Variants in GRIA4 observed in about 807,000 individuals in gnomAD.
The protein encoded by GRIA4 is glutamate ionotropic receptor AMPA type subunit 4.
A neutral mutation model predicts 104.0 loss-of-function variants in GRIA4; 34 were observed. That is an observed-to-expected ratio of 0.33 (90% CI 0.25 to 0.44). GRIA4 has a LOEUF of 0.44. Ranked by LOEUF, GRIA4 falls within the 20% of genes least tolerant of loss-of-function variation. The probability of loss-of-function intolerance (pLI) is 1.00; values close to 1 mark genes in which losing one functional copy is unlikely to be tolerated. For missense variants in GRIA4, 750 were observed against 1,096.5 expected, an observed-to-expected ratio of 0.68 and a Z score of 4.46; for synonymous variants, 386 against 381.9, an observed-to-expected ratio of 1.01 and a Z score of -0.13.
At chr11:105,677,883 A>G (rs1021099072) in intron 3 of GRIA4, among the ~76,000 whole-genome samples, 1 of 151,916 alleles carries the variant, frequency 6.6e-6, no homozygotes, top group Non-Finnish European at 1.5e-5. Flanking sequence ...GGTCACAGAG[A>G]CTCTGTAGAT....
intron 4 of GRIA4, among the ~76,000 whole-genome samples, chr11:105,822,289 T>C (rs1432978820): frequency 1.3e-5 from 2 of 152,114 alleles, no homozygotes; most frequent in Non-Finnish European, 2.9e-5. Flanking sequence ...GAGTGGCTCT[T>C]TGAGTAAAAG....
At chr11:105,861,936 T>A in intron 4 of GRIA4, 88 bp from the exon 5 acceptor site, 1 of 760,480 alleles carries the variant, frequency 1.3e-6, no homozygotes, top group Non-Finnish European at 2.3e-6. Context: ...TTTTGGAACA[T>A]AACAGTGTTG....
chr11:105,761,511 T>C (rs1353090307), intron 4 of GRIA4, among the ~76,000 whole-genome samples: 1 of 152,174 alleles, frequency 6.6e-6, no homozygotes, highest in African/African-American at 2.4e-5. Context: ...GTTTAAATAA[T>C]TTGCCCAAAC....
chr11:105,891,262 G>T (rs1203229215), intron 6 of GRIA4, among the ~76,000 whole-genome samples: 1 of 151,964 alleles, frequency 6.6e-6, no homozygotes, highest in Non-Finnish European at 1.5e-5. Context: ...TTCCCCATGG[G>T]GTTTCCAGAC....
At chr11:105,804,675 T>C (rs1301468944) in intron 4 of GRIA4, among the ~76,000 whole-genome samples, 2 of 151,978 alleles carry the variant, frequency 1.3e-5, no homozygotes, top group African/African-American at 4.8e-5. Context: ...ATATGGATGA[T>C]TGCACAATTT....
At chr11:105,744,981 AAAAAG>A (rs1939555251) in intron 3 of GRIA4, among the ~76,000 whole-genome samples, 1 of 152,116 alleles carries the variant, frequency 6.6e-6, no homozygotes, top group East Asian at 1.9e-4. Flanking sequence ...AGTACATTTC[AAAAAG>A]GGAATAGGTA....
intron 3 of GRIA4, among the ~76,000 whole-genome samples, chr11:105,629,890 A>G (rs1950987429): frequency 6.6e-6 from 1 of 152,258 alleles, no homozygotes; most frequent in African/African-American, 2.4e-5. Flanking sequence ...AACTAAAATT[A>G]TCATCATTAC....
chr11:105,678,212 T>C lies in GRIA4; in HGVS notation c.247+65778T>C, dbSNP rs374474808. The stretch of plus-strand genomic sequence containing the variant: ...TTTAAGCCAAGATTTGGGTCACTAA[T>C]AATAAGAAAGTCCTCTATGAGTGTA... On this transcript the variant is annotated intron_variant, in intron 3 of 16. Transcript: ENST00000282499. Among the ~76,000 whole-genome samples, 14 of 152,182 alleles carry C rather than the reference T, an allele frequency of 9.2e-5. No homozygotes were observed. In the East Asian group the frequency reaches 1.7e-3, roughly 19 times the overall value.
chr11:105,936,440 G>A (rs1310859541), intron 14 of GRIA4, among the ~76,000 whole-genome samples: 1 of 152,122 alleles, frequency 6.6e-6, no homozygotes, highest in Non-Finnish European at 1.5e-5. Context: ...AGTTCTGGAT[G>A]TAGTGAGACT....
At position 105,926,782 on chromosome 11, in the gene GRIA4, T is replaced by A. The variant is rs1947719943; in HGVS notation, c.1889T>A (p.Phe630Tyr). 6.2e-7 allele frequency: 1 copy of A among 1,610,882 alleles called. No homozygotes were observed. The highest frequency in any genetic ancestry group is 1.7e-5 in the Admixed American group (1 of 59,900). The stretch of plus-strand genomic sequence containing the variant: ...ATTGTTGGAGGTGTTTGGTGGTTCT[T>A]TACACTCATCATTATATCATCTTAT... ...GRIVGGVWWF[F>Y]TLIIISSYTA... The change falls in exon 13 of 17, where the codon TTT becomes TAT. Residue 630 changes from phenylalanine to tyrosine, a missense_variant. By Grantham distance (22) the Phe-to-Tyr change is conservative. Coordinates refer to ENST00000282499, the MANE Select transcript of GRIA4 (RefSeq NM_000829.4).
chr11:105,612,197 T>C (rs1008809889), intron 2 of GRIA4, 79 bp from the exon 3 acceptor site: 2 of 1,295,112 alleles, frequency 1.5e-6, no homozygotes, highest in Non-Finnish European at 2.2e-6. Flanking sequence ...TGAATGGCAG[T>C]AGATTTGACT....
At chr11:105,886,587 T>A (rs1021995515) in intron 5 of GRIA4, among the ~76,000 whole-genome samples, 2 of 148,546 alleles carry the variant, frequency 1.3e-5, no homozygotes, top group African/African-American at 4.9e-5. Flanking sequence ...ATTTCATACA[T>A]AAGTCACTCA....
chr11:105,941,380 C>T (rs1489858826), intron 14 of GRIA4, among the ~76,000 whole-genome samples: 1 of 152,060 alleles, frequency 6.6e-6, no homozygotes, highest in African/African-American at 2.4e-5. Flanking sequence ...CCTTTAACAT[C>T]ACACAATTCA....
At chr11:105,721,809 T>C (rs1937841228) in intron 3 of GRIA4, among the ~76,000 whole-genome samples, 1 of 152,118 alleles carries the variant, frequency 6.6e-6, no homozygotes, top group African/African-American at 2.4e-5. Flanking sequence ...CATGAGGAGC[T>C]TCCATGGCCT....
At chr11:105,832,548 T>C (rs1223113047) in intron 4 of GRIA4, among the ~76,000 whole-genome samples, 1 of 151,960 alleles carries the variant, frequency 6.6e-6, no homozygotes, top group Non-Finnish European at 1.5e-5. Context: ...ATCTTCATTT[T>C]ACAGATGAGC....
chr11:105,693,403 G>A (rs576827073), intron 3 of GRIA4, among the ~76,000 whole-genome samples: 2 of 152,206 alleles, frequency 1.3e-5, no homozygotes, highest in East Asian at 3.9e-4. Flanking sequence ...CTCTAGCAGT[G>A]GTTTCGATTG....
intron 4 of GRIA4, chr11:105,842,945 GA>G (rs1944449631): frequency 6.6e-6 from 1 of 152,166 alleles, no homozygotes. Context: ...CATTTTAATA[GA>G]AACTCAGAAA....
intron 5 of GRIA4, among the ~76,000 whole-genome samples, chr11:105,886,223 G>GTA (rs1946251836): frequency 6.6e-6 from 1 of 151,852 alleles, no homozygotes; most frequent in East Asian, 1.9e-4. Context: ...GTACATAGTA[G>GTA]TATATATATT....
chr11:105,832,033 C>T (rs573697322), intron 4 of GRIA4, among the ~76,000 whole-genome samples: 3 of 151,972 alleles, frequency 2.0e-5, no homozygotes, highest in East Asian at 3.9e-4. Flanking sequence ...CTTAGGTATG[C>T]GATGGATAGT....
Sources: gnomAD v4.1 joint callset for allele counts (sites outside exome capture counted in the v4.1 genomes callset) on GRCh38, gnomAD v4.1.1 for gene constraint, MANE v1.5 for transcripts, NCBI Gene and HGNC (gene_info 2026-07-23, HGNC 2026-07-21) for gene names.